NDST4: variants seen among roughly 807,000 people sequenced by gnomAD.
The protein encoded by NDST4 is N-deacetylase and N-sulfotransferase 4, also known as N-heparan sulfate sulfotransferase 4.
In NDST4, 63 loss-of-function variants were observed where a neutral mutation model predicts 100.8. That is an observed-to-expected ratio of 0.62 (90% CI 0.51 to 0.77). NDST4 has a LOEUF of 0.77. Among genes scored for constraint, NDST4 ranks in the 30% least tolerant of loss-of-function variants. The pLI is 0.00. For missense variants in NDST4, 943 were observed against 1,018.4 expected (o/e 0.93, Z 1.01); for synonymous variants, 377 against 361.8 (o/e 1.04, Z -0.48).
At chr4:115,077,899 C>T (rs1729221752) in intron 1 of NDST4, among the ~76,000 whole-genome samples, 1 of 152,156 alleles carries the variant, frequency 6.6e-6, no homozygotes, top group Admixed American at 6.6e-5. Flanking sequence ...ATTCTCAGAT[C>T]TCGCTAATGA....
intron 4 of NDST4, among the ~76,000 whole-genome samples, chr4:114,944,356 A>G (rs1290162450): frequency 2.6e-5 from 4 of 152,052 alleles, no homozygotes; most frequent in Non-Finnish European, 5.9e-5. Flanking sequence ...AGTGTCCCCA[A>G]CCCCACATCA....
intron 1 of NDST4, among the ~76,000 whole-genome samples, chr4:115,097,437 T>C (rs537969189): frequency 3.5e-4 from 53 of 152,224 alleles, no homozygotes; most frequent in African/African-American, 1.3e-3. Context: ...TTTCTCTCTA[T>C]CTCTATTGGG....
intron 7 of NDST4, among the ~76,000 whole-genome samples, chr4:114,855,201 T>TAG (rs1283928852): frequency 6.6e-6 from 1 of 152,022 alleles, no homozygotes; most frequent in Non-Finnish European, 1.5e-5. Flanking sequence ...CTCAGATGGG[T>TAG]AGTTGCAAAT....
intron 4 of NDST4, among the ~76,000 whole-genome samples, chr4:114,958,083 T>A (rs1345461392): frequency 2.6e-5 from 4 of 152,210 alleles, no homozygotes; most frequent in African/African-American, 9.7e-5. Context: ...CACTAATCAG[T>A]GCCCCAGTGG....
At chr4:115,020,938 C>T (rs114188341) in intron 2 of NDST4, among the ~76,000 whole-genome samples, 187 of 151,968 alleles carry the variant, frequency 1.2e-3, no homozygotes, top group African/African-American at 4.2e-3. Context: ...ACGCGGTGAA[C>T]GGGGAACACT....
chr4:114,896,640 A>T (rs1031306159), intron 6 of NDST4, among the ~76,000 whole-genome samples: 52 of 147,868 alleles, frequency 3.5e-4, no homozygotes, highest in East Asian at 2.8e-3. Context: ...AAAAAAAAAA[A>T]TTTGCTTTGG....
At chr4:114,884,149 C>T (rs1449475572) in intron 6 of NDST4, among the ~76,000 whole-genome samples, 2 of 151,990 alleles carry the variant, frequency 1.3e-5, no homozygotes, top group Non-Finnish European at 2.9e-5. Context: ...CATATGCTGC[C>T]CAGAGCTGAC....
At chr4:114,933,510 C>A (rs1288236031) in intron 6 of NDST4, among the ~76,000 whole-genome samples, 1 of 134,596 alleles carries the variant, frequency 7.4e-6, no homozygotes, top group African/African-American at 2.9e-5. Flanking sequence ...AATGGGATTG[C>A]ATTAAGTCAA....
intron 2 of NDST4, among the ~76,000 whole-genome samples, chr4:115,052,103 C>T (rs535033392): frequency 6.6e-6 from 1 of 152,030 alleles, no homozygotes; most frequent in Admixed American, 6.6e-5. Flanking sequence ...CTGTTCAGAT[C>T]TTTTGTCTAT....
chr4:114,849,653 C>T (rs893188775), intron 8 of NDST4, among the ~76,000 whole-genome samples: 2 of 152,028 alleles, frequency 1.3e-5, no homozygotes, highest in African/African-American at 2.4e-5. Flanking sequence ...CATGTTAAAA[C>T]ACCTAGAATG....
intron 2 of NDST4, among the ~76,000 whole-genome samples, chr4:114,990,889 T>C (rs941889814): frequency 2.0e-5 from 3 of 151,998 alleles, no homozygotes; most frequent in Non-Finnish European, 4.4e-5. Context: ...CCATATTAGG[T>C]TTATTTATGT....
At chr4:114,891,835 G>A (rs1200215734) in intron 6 of NDST4, among the ~76,000 whole-genome samples, 2 of 152,166 alleles carry the variant, frequency 1.3e-5, no homozygotes, top group East Asian at 1.9e-4. Flanking sequence ...TGAGTTCCAG[G>A]TGTTGACTCT....
chr4:114,867,122 C>G (rs1436807817), intron 7 of NDST4, among the ~76,000 whole-genome samples: 1 of 152,160 alleles, frequency 6.6e-6, no homozygotes, highest in African/African-American at 2.4e-5. Flanking sequence ...TCCATTTTCT[C>G]TCTACAATGA....
At chr4:114,829,368 G>C (rs1238263754) in intron 13 of NDST4, among the ~76,000 whole-genome samples, 1 of 152,058 alleles carries the variant, frequency 6.6e-6, no homozygotes, top group African/African-American at 2.4e-5. Context: ...GCTCACAACT[G>C]TTTTATCTTT....
intron 6 of NDST4, among the ~76,000 whole-genome samples, chr4:114,898,497 A>G (rs1037823829): frequency 2.6e-5 from 4 of 152,088 alleles, no homozygotes; most frequent in Non-Finnish European, 5.9e-5. Context: ...CCGTGCTTCA[A>G]CTTATTCCTC....
intron 7 of NDST4, among the ~76,000 whole-genome samples, chr4:114,854,047 A>G (rs1723736750): frequency 6.6e-6 from 1 of 152,186 alleles, no homozygotes; most frequent in Non-Finnish European, 1.5e-5. Flanking sequence ...GTGCTGTTAA[A>G]TACTAGATTT....
chr4:115,088,509 A>C (rs1729451663), intron 1 of NDST4, among the ~76,000 whole-genome samples: 1 of 151,952 alleles, frequency 6.6e-6, no homozygotes, highest in Admixed American at 6.6e-5. Context: ...GAATGGCTTC[A>C]GTCCCTACCA....
At chr4:115,088,643 C>T (rs1205900627) in intron 1 of NDST4, among the ~76,000 whole-genome samples, 1 of 151,822 alleles carries the variant, frequency 6.6e-6, no homozygotes, top group Non-Finnish European at 1.5e-5. Flanking sequence ...CTCACCCCCA[C>T]TCCCGCCCCC....
chr4:115,033,157 A>ATT (rs1192796806), intron 2 of NDST4, among the ~76,000 whole-genome samples: 3,639 of 59,772 alleles, frequency 0.061, 83 homozygotes, highest in Middle Eastern at 0.095. Flanking sequence ...ATATATATAT[A>ATT]TTTTTTTTTT....
Sources: allele counts gnomAD v4.1 joint callset (sites outside exome capture counted in the v4.1 genomes callset), GRCh38; gene constraint gnomAD v4.1.1; transcripts MANE v1.5; gene names NCBI Gene and HGNC (gene_info 2026-07-23, HGNC 2026-07-21).